KCTD5: variants seen among roughly 807,000 people sequenced by gnomAD.
KCTD5 encodes BTB/POZ domain-containing protein KCTD5.
Under a neutral mutation model 27.9 loss-of-function variants are expected in KCTD5, and 12 were observed. The observed-to-expected ratio is 0.43, with a 90% confidence interval of 0.28 to 0.70. The LOEUF is 0.70. Ranked by LOEUF, KCTD5 falls within the 30% of genes least tolerant of loss-of-function variation. The pLI is 0.19. For synonymous variants in KCTD5, 147 were observed against 121.4 expected, an observed-to-expected ratio of 1.21 and a Z score of -1.39; for missense variants, 226 against 274.8, an observed-to-expected ratio of 0.82 and a Z score of 1.26.
At chr16:2,704,436 G>T (rs1596226341) in intron 5 of KCTD5, among the ~76,000 whole-genome samples, 1 of 152,192 alleles carries the variant, frequency 6.6e-6, no homozygotes, top group African/African-American at 2.4e-5. Flanking sequence ...GGGCGGGAGG[G>T]GTTGCACCTG....
intron 1 of KCTD5, among the ~76,000 whole-genome samples, chr16:2,687,160 C>A (rs77625825): frequency 1.3e-5 from 2 of 152,288 alleles, no homozygotes; most frequent in Admixed American, 1.3e-4. Flanking sequence ...GGTGCCTCAC[C>A]TGAAGCCCTT....
Position 2,704,081 on chromosome 16 carries a change from G to C in KCTD5, c.675+1603G>C, listed in dbSNP as rs1044074160. On this transcript the variant is annotated intron_variant, in intron 5 of 5. Coordinates refer to ENST00000301738, the MANE Select transcript of KCTD5 (RefSeq NM_018992.4). The stretch of plus-strand genomic sequence containing the variant: ...AGAAAGGACACGCTCTGTACTGTGA[G>C]GAAGCTCCAGGCATGACCCCAAATC... 6.6e-5 allele frequency among the ~76,000 whole-genome samples: 10 copies of C among 152,370 alleles called. No individual in the cohort carries two copies. In the East Asian group the frequency reaches 1.9e-3, roughly 29 times the overall value.
chr16:2,693,604 C>G (rs577573444), intron 1 of KCTD5, among the ~76,000 whole-genome samples: 6 of 152,354 alleles, frequency 3.9e-5, no homozygotes, highest in African/African-American at 7.2e-5. Context: ...GCCGTCCCCA[C>G]CCTGCCCTCC....
intron 4 of KCTD5, among the ~76,000 whole-genome samples, chr16:2,701,517 C>T (rs2067611973): frequency 6.6e-6 from 1 of 152,222 alleles, no homozygotes; most frequent in Admixed American, 6.5e-5. Context: ...TGGGCCCATG[C>T]CGGCACCCCT....
chr16:2,693,704 C>T (rs898462421), intron 1 of KCTD5, among the ~76,000 whole-genome samples: 2 of 152,252 alleles, frequency 1.3e-5, no homozygotes, highest in South Asian at 2.1e-4. Flanking sequence ...CCTCTTGCAC[C>T]GGCCCAGGGC....
intron 1 of KCTD5, 29 bp downstream of exon 1, chr16:2,682,829 G>C: frequency 6.5e-7 from 1 of 1,546,378 alleles, no homozygotes; most frequent in Non-Finnish European, 8.7e-7. Flanking sequence ...AGCCCGGAGG[G>C]TCCTGGCCTT....
At position 2,707,665 on chromosome 16, in the gene KCTD5, T is replaced by G; in HGVS notation, c.*338T>G. On this transcript the variant is annotated 3_prime_UTR_variant, in exon 6 of 6. Coordinates refer to ENST00000301738, the MANE Select transcript of KCTD5 (RefSeq NM_018992.4). Reference sequence around the variant, plus strand: ...GATCGTGTGAAGGAAGCGTTCTTGGTGCTACACACAGTCTGGAAAAGCAGC... The same window carrying G: ...GATCGTGTGAAGGAAGCGTTCTTGGGGCTACACACAGTCTGGAAAAGCAGC... 1.7e-6 allele frequency: 1 copy of G among 575,088 alleles called. No individual in the cohort carries two copies. Among genetic ancestry groups the G allele is most frequent in the Non-Finnish European group, 3.1e-6 (1 of 323,402 alleles). The allele number at this position is 575,088 out of a possible 1,614,324, so 35.6% of individuals were successfully genotyped here. A position where few individuals can be genotyped will look rare whatever the true frequency, so the allele number is the denominator to read the frequency against.
chr16:2,696,884 C>G (rs1009293224), intron 2 of KCTD5, among the ~76,000 whole-genome samples: 3 of 152,268 alleles, frequency 2.0e-5, no homozygotes, highest in Non-Finnish European at 4.4e-5. Flanking sequence ...TTCACATGTA[C>G]TCTCTCTGGT....
At chr16:2,688,224 A>ATAT (rs1567193086) in intron 1 of KCTD5, among the ~76,000 whole-genome samples, 4 of 79,646 alleles carry the variant, frequency 5.0e-5, no homozygotes, top group African/African-American at 1.9e-4. Context: ...TAAATAAATA[A>ATAT]ATAAATATAT....
chr16:2,699,313 G>T (rs774429295), intron 3 of KCTD5: 3 of 436,962 alleles, frequency 6.9e-6, no homozygotes, highest in South Asian at 4.8e-5. Flanking sequence ...GTGCCAGGCA[G>T]GTGGGGGATT....
chr16:2,699,598 A>G (rs1193055617), intron 3 of KCTD5, among the ~76,000 whole-genome samples: 3 of 152,142 alleles, frequency 2.0e-5, no homozygotes, highest in Non-Finnish European at 4.4e-5. Flanking sequence ...TTTGGAACTT[A>G]GAAATAGAAA....
intron 3 of KCTD5, 71 bp from the exon 4 acceptor site, chr16:2,699,750 C>T: frequency 6.9e-7 from 1 of 1,452,740 alleles, no homozygotes. Context: ...CCCTGGGTCA[C>T]CTGGGCTGGG....
In KCTD5 at chr16:2,705,410, G is replaced by A. The variant is rs376100605; in HGVS notation, c.676-1888G>A. On this transcript the variant is annotated intron_variant, in intron 5 of 5. Transcript: ENST00000301738. ...TTGTTGGGATGACTGGAGGGTGCCC[G>A]TGCCAGGCCAGGCTGTGGACATCAG... Among the ~76,000 whole-genome samples the A allele has an allele frequency of 1.1e-4, 17 of 152,272 alleles. No individual in the cohort carries two copies. The East Asian group carries it at 2.1e-3, about 19-fold the overall frequency.
At chr16:2,704,408 G>A (rs545776993) in intron 5 of KCTD5, among the ~76,000 whole-genome samples, 1 of 152,250 alleles carries the variant, frequency 6.6e-6, no homozygotes, top group South Asian at 2.1e-4. Flanking sequence ...CAGCGGCGGC[G>A]GGAGAGCCTG....
rs916596715 is a variant in KCTD5 at position 2,707,522 on chromosome 16, A to G, written c.*195A>G. 19 of 698,308 alleles carry G rather than the reference A, an allele frequency of 2.7e-5. No individual in the cohort carries two copies. Among genetic ancestry groups the G allele is most frequent in the South Asian group, 1.4e-4 (9 of 65,754 alleles). 43.3% of individuals were successfully genotyped at this position (698,308 alleles called of 1,614,324 possible). On this transcript the variant is annotated 3_prime_UTR_variant, in exon 6 of 6. Transcript: ENST00000301738. ...AGCTGTCCAAGGCCAGACGTCCCCA[A>G]GTTGGGGGAGCACGGCGGCCGGGTG... is the stretch of plus-strand genomic sequence containing the variant.
At chr16:2,699,095 C>A (rs541182528) in intron 3 of KCTD5, 11 of 454,964 alleles carry the variant, frequency 2.4e-5, no homozygotes, top group African/African-American at 2.0e-4. Flanking sequence ...GCATGAGTCA[C>A]CACCTTAAGG....
chr16:2,687,682 C>T lies in KCTD5; in HGVS notation c.252+4882C>T, dbSNP rs1362145793. ...GTCTCGCCCCGGCCCTGTCGTTAAC[C>T]ACCAGGCATCCCAGGGACTCCTTTT... On this transcript the variant is annotated intron_variant, in intron 1 of 5. Coordinates refer to ENST00000301738, the MANE Select transcript of KCTD5 (RefSeq NM_018992.4). Among the ~76,000 whole-genome samples, 2 of 152,316 alleles carry T rather than the reference C, an allele frequency of 1.3e-5. 1 individual carries two copies. Among genetic ancestry groups the T allele is most frequent in the Admixed American group, 1.3e-4 (2 of 15,306 alleles).
At chr16:2,682,958 G>C in intron 1 of KCTD5, 158 bp downstream of exon 1, 1 of 849,748 alleles carries the variant, frequency 1.2e-6, no homozygotes, top group Non-Finnish European at 1.7e-6. Flanking sequence ...TCCCCAGCTT[G>C]CCCCGATCCC....
intron 5 of KCTD5, among the ~76,000 whole-genome samples, chr16:2,702,850 G>T (rs1446785326): frequency 6.6e-6 from 1 of 152,170 alleles, no homozygotes. Context: ...CTGTCATAGG[G>T]GTCTGGGCCA....
Sources: allele counts gnomAD v4.1 joint callset (sites outside exome capture counted in the v4.1 genomes callset), GRCh38; gene constraint gnomAD v4.1.1; transcripts MANE v1.5; gene names NCBI Gene and HGNC (gene_info 2026-07-23, HGNC 2026-07-21).